ACSM5: variants seen among roughly 807,000 people sequenced by gnomAD.
ACSM5 encodes the protein acyl-CoA synthetase medium chain family member 5.
Under a neutral mutation model 71.6 loss-of-function variants are expected in ACSM5, and 56 were observed. The ratio of observed to expected loss-of-function variants is 0.78; its 90% CI spans 0.63 to 0.98. ACSM5 has a LOEUF of 0.98. ACSM5 is among the 50% of genes least tolerant of loss of function. ACSM5 has a pLI of 0.00. For missense variants in ACSM5, 723 were observed against 726.0 expected (o/e 1.00, Z 0.05); for synonymous variants, 285 against 281.5 (o/e 1.01, Z -0.12).
chr16:20,428,469 C>A (rs1967031922), intron 7 of ACSM5, among the ~76,000 whole-genome samples: 1 of 152,228 alleles, frequency 6.6e-6, no homozygotes, highest in Non-Finnish European at 1.5e-5. Flanking sequence ...CATCTTCTAG[C>A]AGAACAGGGC....
chr16:20,421,650 T>TATAC (rs1966884661), intron 5 of ACSM5, among the ~76,000 whole-genome samples: 1 of 96,630 alleles, frequency 1.0e-5, no homozygotes, highest in African/African-American at 4.0e-5. Flanking sequence ...TATATATATA[T>TATAC]ATATATACAC....
intron 2 of ACSM5, 21 bp downstream of exon 2, chr16:20,411,709 G>C: frequency 6.2e-7 from 1 of 1,612,684 alleles, no homozygotes. Flanking sequence ...TTCTGTCCTA[G>C]AGTCCATCTG....
chr16:20,425,745 C>A (rs1966966645), intron 6 of ACSM5, among the ~76,000 whole-genome samples: 1 of 152,036 alleles, frequency 6.6e-6, no homozygotes, highest in Non-Finnish European at 1.5e-5. Flanking sequence ...CAGGTCCCTG[C>A]GAATGCCATT....
rs1423529160 is a variant in ACSM5 at position 20,424,062 on chromosome 16, T to C, written c.914T>C (p.Ile305Thr). The change falls in exon 6 of 14, where the codon ATC becomes ACC. Residue 305 changes from isoleucine (I) to threonine (T), a missense_variant. Physicochemically the swap from Ile to Thr is moderately conservative, Grantham distance 89 (BLOSUM62 -1). Transcript: ENST00000331849. The stretch of plus-strand genomic sequence containing the variant: ...CTGCCCCGAGTTGATGCCAAAGTTA[T>C]CCTGAATGTAAGAGGAAAAACCAAC... ...HELPRVDAKV[I>T]LNTLSKFPIT... 4 of 1,614,068 alleles carry C rather than the reference T, an allele frequency of 2.5e-6. No homozygotes were observed. Among genetic ancestry groups the C allele is most frequent in the Admixed American group, 3.3e-5 (2 of 60,014 alleles).
chr16:20,437,084 A>C lies in ACSM5; in HGVS notation c.1341A>C (p.Gln447His). Residue 447 changes from glutamine (Q) to histidine (H), a missense_variant, in exon 11 of 14, where the codon CAA becomes CAC. Transcript: ENST00000331849. ...CTGAGAAGACAGCTGCATCAGAACA[A>C]GGGGACTTTTACATCACAGGGGACC... ...DNPEKTAASE[Q>H]GDFYITGDRA... The C allele has an allele frequency of 1.2e-6, 2 of 1,614,144 alleles. No homozygotes were observed. Among genetic ancestry groups the C allele is most frequent in the Non-Finnish European group, 1.7e-6 (2 of 1,180,026 alleles).
chr16:20,436,887 G>A (rs539763824), intron 10 of ACSM5, among the ~76,000 whole-genome samples, 165 bp from the exon 11 acceptor site: 2 of 152,262 alleles, frequency 1.3e-5, no homozygotes, highest in East Asian at 3.9e-4. Flanking sequence ...ACTAAACAGG[G>A]CCATAACTCC....
At chr16:20,430,714 G>T (rs1354727856) in intron 8 of ACSM5, among the ~76,000 whole-genome samples, 1 of 150,918 alleles carries the variant, frequency 6.6e-6, no homozygotes, top group African/African-American at 2.4e-5. Context: ...ATGAAAAAAA[G>T]GAGGAAAGAA....
Position 20,418,172 on chromosome 16 carries a change from G to A in ACSM5, c.318G>A (p.Leu106=). ...AGTCCAGGAAGGCAGCCAATGTGCT[G>A]GGGGGTGCATGCGGCCTGCAGCCTG... ...GKQSRKAANV[L]GGACGLQPGD... Residue 106 remains leucine, a synonymous_variant, in exon 3 of 14, where the codon CTG becomes CTA. Transcript: ENST00000331849. 2 of 1,613,324 alleles carry A rather than the reference G, an allele frequency of 1.2e-6. No individual in the cohort carries two copies. Among genetic ancestry groups the A allele is most frequent in the South Asian group, 1.1e-5 (1 of 91,016 alleles).
intron 6 of ACSM5, among the ~76,000 whole-genome samples, chr16:20,425,107 G>T (rs1966952537): frequency 6.6e-6 from 1 of 151,912 alleles, no homozygotes; most frequent in Non-Finnish European, 1.5e-5. Flanking sequence ...CTATTATTTT[G>T]GTACCAACTA....
At chr16:20,411,224 T>C (rs1327060766) in intron 1 of ACSM5, among the ~76,000 whole-genome samples, 1 of 152,206 alleles carries the variant, frequency 6.6e-6, no homozygotes, top group East Asian at 1.9e-4. Flanking sequence ...AGAAGTGGGA[T>C]CTGAGTTCTG....
chr16:20,431,057 C>T lies in ACSM5; in HGVS notation c.1190C>T (p.Pro397Leu), dbSNP rs1177780220. ...IKSGSMGKAS[P>L]PYDVQIVDDE... ...TCTGGATCCATGGGGAAGGCGTCCC[C>T]ACCCTACGATGTGCAGGTAGCAGCC... Residue 397 changes from proline (P) to leucine (L), a missense_variant, in exon 9 of 14, where the codon CCA (proline) becomes CTA (leucine). Coordinates refer to ENST00000331849, the MANE Select transcript of ACSM5 (RefSeq NM_017888.3). 1.9e-6 allele frequency: 3 copies of T among 1,613,800 alleles called. No individual in the cohort carries two copies. The highest frequency in any genetic ancestry group is 8.5e-7 in the Non-Finnish European group (1 of 1,179,848).
rs369062726 is a variant in ACSM5 at position 20,425,257 on chromosome 16, A to C, written c.921+1188A>C. Among the ~76,000 whole-genome samples, 708 of 151,412 alleles carry C rather than the reference A, an allele frequency of 4.7e-3. 6 individuals carry two copies. Among genetic ancestry groups the C allele is most frequent in the African/African-American group, 0.012 (508 of 41,178 alleles). On this transcript the variant is annotated intron_variant, in intron 6 of 13. Coordinates refer to ENST00000331849, the MANE Select transcript of ACSM5 (RefSeq NM_017888.3). The stretch of plus-strand genomic sequence containing the variant: ...GTGAGAATATGTGAAGTTAGTCTTT[A>C]TGTGCCTGGCTTATTTCACTTAACA...
chr16:20,410,722 T>A (rs1385418155), intron 1 of ACSM5, among the ~76,000 whole-genome samples: 1 of 151,944 alleles, frequency 6.6e-6, no homozygotes, highest in Non-Finnish European at 1.5e-5. Context: ...TGAGACTCTG[T>A]CTCAAAAACA....
At chr16:20,411,446 C>T (rs753134037) in intron 1 of ACSM5, 24 bp from the exon 2 acceptor site, 16 of 1,602,508 alleles carry the variant, frequency 1.0e-5, no homozygotes, top group Admixed American at 5.1e-5. Context: ...ATGACAATGC[C>T]CTCTTTCCTC....
intron 6 of ACSM5, among the ~76,000 whole-genome samples, chr16:20,425,384 T>C (rs950221888): frequency 1.3e-5 from 2 of 152,212 alleles, no homozygotes; most frequent in African/African-American, 2.4e-5. Flanking sequence ...CATTCATCTG[T>C]TGATGGACAC....
intron 4 of ACSM5, among the ~76,000 whole-genome samples, chr16:20,420,353 C>A (rs1213308124): frequency 6.6e-6 from 1 of 152,218 alleles, no homozygotes; most frequent in Non-Finnish European, 1.5e-5. Flanking sequence ...GTAATCCCAG[C>A]ACTTTTGGAG....
intron 2 of ACSM5, among the ~76,000 whole-genome samples, chr16:20,416,867 CA>C (rs1966857411): frequency 6.6e-6 from 1 of 151,474 alleles, no homozygotes; most frequent in South Asian, 2.1e-4. Context: ...ACAAATAACC[CA>C]ATTAAAGTAT....
intron 7 of ACSM5, among the ~76,000 whole-genome samples, chr16:20,428,619 G>A (rs1159720808): frequency 6.6e-6 from 1 of 152,068 alleles, no homozygotes; most frequent in African/African-American, 2.4e-5. Flanking sequence ...TACCCACCAA[G>A]TGTCCAAAAA....
intron 12 of ACSM5, among the ~76,000 whole-genome samples, 178 bp from the exon 13 acceptor site, chr16:20,439,622 C>A (rs1967274087): frequency 6.6e-6 from 1 of 151,198 alleles, no homozygotes; most frequent in Non-Finnish European, 1.5e-5. Context: ...ATAGTCACAC[C>A]TGGAAGGGCC....
Sources: allele counts gnomAD v4.1 joint callset (sites outside exome capture counted in the v4.1 genomes callset), GRCh38; gene constraint gnomAD v4.1.1; transcripts MANE v1.5; gene names NCBI Gene and HGNC (gene_info 2026-07-23, HGNC 2026-07-21).